The following COL21A1 variants were observed in gnomAD, a reference collection of about 807,000 sequenced individuals.
The protein encoded by COL21A1 is collagen alpha-1(XXI) chain.
In COL21A1, 149 loss-of-function variants were observed where a neutral mutation model predicts 137.9. That is an observed-to-expected ratio of 1.08 (90% CI 0.95 to 1.24). The LOEUF is 1.24. Ranked by LOEUF, COL21A1 falls within the 50% of genes most tolerant of loss-of-function variation. The pLI is 0.00. For missense variants in COL21A1, 1,167 were observed against 1,158.4 expected (o/e 1.01, Z -0.11); for synonymous variants, 456 against 391.5 (o/e 1.16, Z -1.95).
chr6:56,238,644 G>C (rs1782067504), intron 1 of COL21A1, among the ~76,000 whole-genome samples: 1 of 151,980 alleles, frequency 6.6e-6, no homozygotes, highest in African/African-American at 2.4e-5. Flanking sequence ...GCTTCTGATA[G>C]AGCTGCCACT....
chr6:56,306,896 G>A (rs1273914659), intron 1 of COL21A1, among the ~76,000 whole-genome samples: 2 of 152,118 alleles, frequency 1.3e-5, no homozygotes, highest in African/African-American at 4.8e-5. Context: ...TACAGATGGG[G>A]TTTTGGTGTG....
intron 16 of COL21A1, among the ~76,000 whole-genome samples, chr6:56,120,199 T>C (rs908842043): frequency 3.4e-4 from 52 of 152,046 alleles, no homozygotes; most frequent in African/African-American, 1.3e-3. Flanking sequence ...AAGGACTCTG[T>C]AGAAAAAAAA....
At chr6:56,323,053 A>G (rs1764911896) in intron 1 of COL21A1, among the ~76,000 whole-genome samples, 1 of 152,160 alleles carries the variant, frequency 6.6e-6, no homozygotes, top group Non-Finnish European at 1.5e-5. Context: ...GAAGGATGAA[A>G]TATTACCTAT....
chr6:56,274,620 C>T (rs903885831), intron 1 of COL21A1, among the ~76,000 whole-genome samples: 3 of 151,828 alleles, frequency 2.0e-5, no homozygotes, highest in African/African-American at 7.3e-5. Flanking sequence ...ACAATAGCTA[C>T]ACACAAAAAA....
At chr6:56,323,689 T>C (rs759796418) in intron 1 of COL21A1, among the ~76,000 whole-genome samples, 4 of 152,110 alleles carry the variant, frequency 2.6e-5, no homozygotes, top group Non-Finnish European at 5.9e-5. Flanking sequence ...TTAAGATAAA[T>C]GTTGCCTCTT....
intron 1 of COL21A1, among the ~76,000 whole-genome samples, chr6:56,255,941 C>T (rs1260036639): frequency 6.6e-6 from 1 of 152,136 alleles, no homozygotes; most frequent in African/African-American, 2.4e-5. Flanking sequence ...TCTAGGAGGT[C>T]TGCTTGGCTT....
At chr6:56,238,430 T>TAAAAAAAAAA (rs548005509) in intron 1 of COL21A1, among the ~76,000 whole-genome samples, 1 of 91,538 alleles carries the variant, frequency 1.1e-5, no homozygotes, top group Non-Finnish European at 2.3e-5. Context: ...GCAGTCTTCT[T>TAAAAAAAAAA]AAAAAAAAAA....
At chr6:56,223,983 C>G (rs1332980103) in intron 1 of COL21A1, among the ~76,000 whole-genome samples, 1 of 152,062 alleles carries the variant, frequency 6.6e-6, no homozygotes, top group African/African-American at 2.4e-5. Flanking sequence ...GACAGTGTCT[C>G]TCTCCTGGGA....
chr6:56,190,553 C>T (rs1465952017), intron 1 of COL21A1, among the ~76,000 whole-genome samples: 1 of 152,066 alleles, frequency 6.6e-6, no homozygotes, highest in Non-Finnish European at 1.5e-5. Context: ...CAATTCCAAA[C>T]AATAGAAAAA....
chr6:56,086,915 T>G (rs1468403526), intron 17 of COL21A1, among the ~76,000 whole-genome samples: 2 of 152,182 alleles, frequency 1.3e-5, no homozygotes, highest in Non-Finnish European at 2.9e-5. Flanking sequence ...CTGGCATTGC[T>G]TCTTCTCTGT....
intron 1 of COL21A1, among the ~76,000 whole-genome samples, chr6:56,221,214 T>C (rs1246884443): frequency 6.6e-6 from 1 of 152,110 alleles, no homozygotes; most frequent in African/African-American, 2.4e-5. Context: ...TTCCCAGATA[T>C]GACCAAATTT....
At chr6:56,136,156 T>C (rs764517203) in intron 12 of COL21A1, among the ~76,000 whole-genome samples, 2 of 152,204 alleles carry the variant, frequency 1.3e-5, no homozygotes, top group Non-Finnish European at 2.9e-5. Flanking sequence ...TAATTAGTCA[T>C]GATCTAGATG....
chr6:56,281,710 G>A (rs536286113), intron 1 of COL21A1, among the ~76,000 whole-genome samples: 2 of 152,232 alleles, frequency 1.3e-5, no homozygotes, highest in African/African-American at 4.8e-5. Context: ...TTGAGTGGTT[G>A]CCTCTAGATC....
chr6:56,115,497 A>T (rs1394201710), intron 16 of COL21A1, among the ~76,000 whole-genome samples: 1 of 152,196 alleles, frequency 6.6e-6, no homozygotes, highest in East Asian at 1.9e-4. Context: ...GAAACAGCTT[A>T]GATCACAACA....
chr6:56,310,342 A>G (rs1166518725), intron 1 of COL21A1, among the ~76,000 whole-genome samples: 2 of 152,142 alleles, frequency 1.3e-5, no homozygotes, highest in Non-Finnish European at 2.9e-5. Flanking sequence ...ATTGGAACCT[A>G]CTAGGGAGTT....
intron 1 of COL21A1, among the ~76,000 whole-genome samples, chr6:56,312,701 A>T (rs1764640217): frequency 8.2e-6 from 1 of 121,898 alleles, no homozygotes; most frequent in Non-Finnish European, 1.8e-5. Flanking sequence ...GAGGCCGAAA[A>T]ATATGAATGG....
intron 1 of COL21A1, among the ~76,000 whole-genome samples, chr6:56,378,112 T>A (rs373668387): frequency 1.3e-5 from 2 of 152,256 alleles, no homozygotes; most frequent in African/African-American, 4.8e-5. Context: ...ACTCTGAGAC[T>A]TACTGGCTTC....
intron 17 of COL21A1, chr6:56,077,946 G>A (rs576422490): frequency 1.2e-4 from 46 of 389,810 alleles, no homozygotes; most frequent in East Asian, 7.1e-4. Context: ...CTGATTTAGC[G>A]CAACAGTTCC....
intron 17 of COL21A1, among the ~76,000 whole-genome samples, chr6:56,083,467 T>C (rs1767968310): frequency 6.6e-6 from 1 of 151,946 alleles, no homozygotes; most frequent in Admixed American, 6.6e-5. Flanking sequence ...CCTCCTTAGA[T>C]AATCTGGAAT....
Sources: gnomAD v4.1 joint callset for allele counts (sites outside exome capture counted in the v4.1 genomes callset) on GRCh38, gnomAD v4.1.1 for gene constraint, MANE v1.5 for transcripts, NCBI Gene and HGNC (gene_info 2026-07-23, HGNC 2026-07-21) for gene names.